CDH6: variants seen among roughly 807,000 people sequenced by gnomAD.
The protein encoded by CDH6 is cadherin-6.
In CDH6, 31 loss-of-function variants were observed where a neutral mutation model predicts 78.0. That is an observed-to-expected ratio of 0.40 (90% CI 0.30 to 0.54). The LOEUF (loss-of-function observed/expected upper bound fraction) is 0.54, where lower values mean the gene tolerates loss of function less well. Ranked by LOEUF, CDH6 falls within the 20% of genes least tolerant of loss-of-function variation. The pLI, the probability that CDH6 is intolerant of heterozygous loss-of-function variation, is 0.56. For missense variants in CDH6, 724 were observed against 975.9 expected (o/e 0.74, Z 3.44); for synonymous variants, 376 against 368.8 (o/e 1.02, Z -0.23).
intron 1 of CDH6, among the ~76,000 whole-genome samples, chr5:31,229,195 A>C (rs1384214119): frequency 4.6e-5 from 7 of 152,228 alleles, no homozygotes; most frequent in African/African-American, 1.7e-4. Context: ...CAAGGTGAAG[A>C]GACTCAGTCA....
chr5:31,205,876 T>A (rs1392554681), intron 1 of CDH6, among the ~76,000 whole-genome samples: 1 of 152,202 alleles, frequency 6.6e-6, no homozygotes, highest in Admixed American at 6.5e-5. Context: ...TTACAATATT[T>A]CAGGCATCAT....
In CDH6 at chr5:31,210,275, G is replaced by A. The variant is rs546732910; in HGVS notation, c.-129+16389G>A. ...CACGCCTATAATCCCAGCACTTTGG[G>A]AGGCCGAGGTGGGTGGATTGCTTGA... On this transcript the variant is annotated intron_variant, in intron 1 of 11. Transcript: ENST00000265071. Among the ~76,000 whole-genome samples the A allele has an allele frequency of 3.6e-3, 552 of 152,246 alleles. 4 individuals carry two copies. The highest frequency in any genetic ancestry group is 5.8e-3 in the Non-Finnish European group (392 of 68,016).
chr5:31,229,435 C>T (rs1427098444), intron 1 of CDH6, among the ~76,000 whole-genome samples: 3 of 152,184 alleles, frequency 2.0e-5, no homozygotes, highest in African/African-American at 7.2e-5. Flanking sequence ...GAACTGGAGG[C>T]TCAGGAAAAT....
Position 31,286,025 on chromosome 5 carries a change from T to C in CDH6, c.229-7937T>C, listed in dbSNP as rs1483613894. Among the ~76,000 whole-genome samples the C allele has an allele frequency of 3.3e-5, 5 of 152,352 alleles. No individual in the cohort carries two copies. The South Asian group carries it at 6.2e-4, about 19-fold the overall frequency. The stretch of plus-strand genomic sequence containing the variant: ...ATTATCCTAAAGTCAAGAAAGAGTA[T>C]AGAGGACACTAAGATTTATTGAGTG... On this transcript the variant is annotated intron_variant, in intron 2 of 11. Transcript: ENST00000265071.
chr5:31,226,010 T>A (rs547711399), intron 1 of CDH6, among the ~76,000 whole-genome samples: 1 of 152,260 alleles, frequency 6.6e-6, no homozygotes, highest in African/African-American at 2.4e-5. Context: ...GAGTCCTACA[T>A]CCTGCCCTGG....
intron 1 of CDH6, chr5:31,249,767 G>A: frequency 6.6e-6 from 1 of 152,358 alleles, no homozygotes; most frequent in Non-Finnish European, 1.5e-5. Flanking sequence ...GCCCTGCTGG[G>A]TCCTGATGAG....
chr5:31,226,176 T>C (rs775530765), intron 1 of CDH6, among the ~76,000 whole-genome samples: 1 of 152,026 alleles, frequency 6.6e-6, no homozygotes, highest in Non-Finnish European at 1.5e-5. Flanking sequence ...AGAGTACGTA[T>C]GTATGTATGT....
intron 1 of CDH6, among the ~76,000 whole-genome samples, chr5:31,265,092 G>A (rs1742306034): frequency 6.6e-6 from 1 of 152,166 alleles, no homozygotes; most frequent in South Asian, 2.1e-4. Flanking sequence ...TGCAGGATTT[G>A]TCTTTGCAAA....
chr5:31,203,350 A>C, intron 1 of CDH6, among the ~76,000 whole-genome samples: 1 of 132,310 alleles, frequency 7.6e-6, no homozygotes, highest in Non-Finnish European at 1.6e-5. Context: ...GCACCCACTA[A>C]CTCGTCATCT....
chr5:31,252,563 G>A (rs13354126), intron 1 of CDH6, among the ~76,000 whole-genome samples: 17,101 of 152,050 alleles, frequency 0.11, 1,657 homozygotes, highest in African/African-American at 0.26. Context: ...AGGGAAACTC[G>A]TGTGATAATT....
chr5:31,217,018 C>T (rs566101779), intron 1 of CDH6, among the ~76,000 whole-genome samples: 7 of 152,006 alleles, frequency 4.6e-5, no homozygotes, highest in African/African-American at 1.7e-4. Context: ...GCAGAGGGAC[C>T]TTTTATTATG....
intron 7 of CDH6, among the ~76,000 whole-genome samples, chr5:31,306,003 A>G (rs1312615305): frequency 6.6e-6 from 1 of 152,244 alleles, no homozygotes; most frequent in Admixed American, 6.5e-5. Context: ...TAGAAGTAGT[A>G]TAAGGTGATG....
chr5:31,198,218 T>C (rs1178468191), intron 1 of CDH6, among the ~76,000 whole-genome samples: 1 of 152,196 alleles, frequency 6.6e-6, no homozygotes, highest in Admixed American at 6.6e-5. Context: ...CATTCATAAA[T>C]GTGGAGTAGA....
chr5:31,275,761 G>A (rs778957005), intron 2 of CDH6, among the ~76,000 whole-genome samples: 3 of 152,152 alleles, frequency 2.0e-5, no homozygotes, highest in East Asian at 3.8e-4. Context: ...CTGACATACT[G>A]TAATCAAGCA....
rs751641339 is a variant in CDH6 at position 31,282,925 on chromosome 5, C to CTATTTA, written c.229-11037_229-11036insTATTTA. On this transcript the variant is annotated intron_variant, in intron 2 of 11. Coordinates refer to ENST00000265071, the MANE Select transcript of CDH6 (RefSeq NM_004932.4). ...GGGTTATACTGAATCTCTGCAAATACAGATCCCTTATGGTATTATTTAAGT... is the reference window on the plus strand; with the variant it reads ...GGGTTATACTGAATCTCTGCAAATACTATTTAAGATCCCTTATGGTATTATTTAAGT... 3.7e-3 allele frequency among the ~76,000 whole-genome samples: 563 copies of CTATTTA among 152,176 alleles called. 15 individuals carry two copies. The highest frequency in any genetic ancestry group is 0.019 in the East Asian group (96 of 5,164).
At chr5:31,248,628 A>G (rs1212865557) in intron 1 of CDH6, among the ~76,000 whole-genome samples, 6 of 152,152 alleles carry the variant, frequency 3.9e-5, no homozygotes, top group Non-Finnish European at 7.3e-5. Context: ...AACAAGTTGT[A>G]CTGATCTTTT....
intron 3 of CDH6, among the ~76,000 whole-genome samples, chr5:31,295,183 A>G (rs2149948208): frequency 6.6e-6 from 1 of 152,286 alleles, no homozygotes; most frequent in South Asian, 2.1e-4. Flanking sequence ...TGCTTTTCTC[A>G]TTATTTAAAG....
intron 1 of CDH6, among the ~76,000 whole-genome samples, chr5:31,209,386 A>G (rs1385059936): frequency 1.3e-5 from 2 of 152,170 alleles, no homozygotes; most frequent in African/African-American, 4.8e-5. Context: ...TCTCTTATTA[A>G]TACAAGTGAT....
rs535708108 is a variant in CDH6, at chr5:31,271,859, T to A, written c.228+4158T>A. Among the ~76,000 whole-genome samples, 31 of 152,282 alleles carry A rather than the reference T, an allele frequency of 2.0e-4. No homozygotes were observed. In the South Asian group the frequency reaches 3.7e-3, roughly 18 times the overall value. On this transcript the variant is annotated intron_variant, in intron 2 of 11. Coordinates refer to ENST00000265071, the MANE Select transcript of CDH6 (RefSeq NM_004932.4). ...GGTGAATCGTACGCATGTTAAAATT[T>A]GAGAAGTGCTGCTTTTAAAAATACC...
Sources: gnomAD v4.1 joint callset for allele counts (sites outside exome capture counted in the v4.1 genomes callset) on GRCh38, gnomAD v4.1.1 for gene constraint, MANE v1.5 for transcripts, NCBI Gene and HGNC (gene_info 2026-07-23, HGNC 2026-07-21) for gene names.